Variants in AMDHD1 observed in about 807,000 individuals in gnomAD.
AMDHD1 encodes amidohydrolase domain containing 1, also known as probable imidazolonepropionase.
A neutral mutation model predicts 44.1 loss-of-function variants in AMDHD1; 45 were observed. The observed-to-expected ratio is 1.02, with a 90% confidence interval of 0.80 to 1.31. The LOEUF is 1.31. Among genes scored for constraint, AMDHD1 ranks in the 50% most tolerant of loss-of-function variants. The pLI is 0.00. For missense variants in AMDHD1, 586 were observed against 552.1 expected (o/e 1.06, Z -0.61); for synonymous variants, 206 against 205.0 (o/e 1.00, Z -0.04).
At chr12:95,965,391 G>A (rs1295769084) in intron 6 of AMDHD1, among the ~76,000 whole-genome samples, 2 of 150,684 alleles carry the variant, frequency 1.3e-5, no homozygotes, top group African/African-American at 4.9e-5. Flanking sequence ...AAAACCATTT[G>A]TAAGTTATAT....
chr12:95,949,627 GC>G (rs2080517796), intron 1 of AMDHD1, among the ~76,000 whole-genome samples: 1 of 152,176 alleles, frequency 6.6e-6, no homozygotes, highest in South Asian at 2.1e-4. Context: ...AACATTTAGT[GC>G]TTCTGCTTTC....
At chr12:95,945,387 G>A (rs1350884108) in intron 1 of AMDHD1, among the ~76,000 whole-genome samples, 3 of 152,178 alleles carry the variant, frequency 2.0e-5, no homozygotes, top group African/African-American at 7.2e-5. Flanking sequence ...AATATGATTA[G>A]CTCGGTACAG....
At chr12:95,963,829 A>T (rs1156519028) in intron 6 of AMDHD1, among the ~76,000 whole-genome samples, 1 of 152,156 alleles carries the variant, frequency 6.6e-6, no homozygotes, top group Non-Finnish European at 1.5e-5. Flanking sequence ...CCAAGAGTTC[A>T]AGACCAGACT....
intron 2 of AMDHD1, 78 bp from the exon 3 acceptor site, chr12:95,954,833 G>T (rs2080542274): frequency 7.6e-6 from 10 of 1,313,306 alleles, no homozygotes; most frequent in Non-Finnish European, 1.1e-5. Flanking sequence ...GAGCAGCAGG[G>T]TATAGTGCTG....
At chr12:95,957,815 GGCC>G (rs1471837722) in intron 4 of AMDHD1, among the ~76,000 whole-genome samples, 1 of 152,198 alleles carries the variant, frequency 6.6e-6, no homozygotes, top group Non-Finnish European at 1.5e-5. Context: ...CACTTTGGGA[GGCC>G]AAGGCAGGTG....
intron 1 of AMDHD1, among the ~76,000 whole-genome samples, chr12:95,952,172 A>G (rs7969945): frequency 0.64 from 97,435 of 152,042 alleles, 32,128 homozygotes; most frequent in East Asian, 0.95. Context: ...CCAATGTCCT[A>G]GAGAGTTTTC....
chr12:95,959,790 C>CTT (rs63130861), intron 4 of AMDHD1, among the ~76,000 whole-genome samples: 10,495 of 67,366 alleles, frequency 0.16, 1,675 homozygotes, highest in Non-Finnish European at 0.22. Flanking sequence ...GAAGATTATG[C>CTT]TTTTTTTTTT....
intron 4 of AMDHD1, among the ~76,000 whole-genome samples, chr12:95,960,079 G>T (rs1029158857): frequency 1.3e-5 from 2 of 152,138 alleles, no homozygotes; most frequent in African/African-American, 4.8e-5. Context: ...GAGTCACTGT[G>T]CCTGGCCAAA....
intron 8 of AMDHD1, among the ~76,000 whole-genome samples, chr12:95,967,032 G>A (rs567666019): frequency 3.9e-5 from 6 of 152,324 alleles, no homozygotes; most frequent in Non-Finnish European, 8.8e-5. Context: ...ACCGAGACTG[G>A]GTAATTTATA....
In AMDHD1 at chr12:95,956,851, A is replaced by G. The variant is rs748266716; in HGVS notation, c.476A>G (p.Tyr159Cys). ...GTTLVECKSG[Y>C]GLDLETELKM... ...ACGCTGGTGGAGTGCAAGAGTGGAT[A>G]TGGCCTCGACCTGGAGACCGAGCTC... The change falls in exon 4 of 9, where the codon TAT becomes TGT. Residue 159 changes from tyrosine (Y) to cysteine (C), a missense_variant. Coordinates refer to ENST00000266736, the MANE Select transcript of AMDHD1 (RefSeq NM_152435.3). The G allele has an allele frequency of 1.9e-6, 3 of 1,614,202 alleles. No homozygotes were observed. Among genetic ancestry groups the G allele is most frequent in the Admixed American group, 1.7e-5 (1 of 60,032 alleles).
chr12:95,952,681 C>T, intron 1 of AMDHD1, 36 bp from the exon 2 acceptor site: 2 of 1,377,504 alleles, frequency 1.5e-6, no homozygotes, highest in Non-Finnish European at 2.1e-6. Flanking sequence ...ACAAGATTTC[C>T]CCAAATTTAA....
chr12:95,956,870 C>T lies in AMDHD1; in HGVS notation c.495C>T (p.Thr165=), dbSNP rs567215522. ...CKSGYGLDLE[T]ELKMLRVIER... ...GTGGATATGGCCTCGACCTGGAGACCGAGCTCAAGATGCTGCGCGTGATTG... is the reference window on the plus strand; with the variant it reads ...GTGGATATGGCCTCGACCTGGAGACTGAGCTCAAGATGCTGCGCGTGATTG... Residue 165 remains threonine (T), a synonymous_variant, in exon 4 of 9, where the codon ACC becomes ACT. Coordinates refer to ENST00000266736, the MANE Select transcript of AMDHD1 (RefSeq NM_152435.3). 1.1e-5 allele frequency: 17 copies of T among 1,614,010 alleles called. No individual in the cohort carries two copies. Among genetic ancestry groups the T allele is most frequent in the African/African-American group, 1.3e-5 (1 of 74,940 alleles).
intron 7 of AMDHD1, 105 bp from the exon 8 acceptor site, chr12:95,966,243 C>G: frequency 1.5e-6 from 2 of 1,328,922 alleles, no homozygotes; most frequent in Non-Finnish European, 2.1e-6. Context: ...GCCAATTCCT[C>G]CTATACCTTT....
intron 2 of AMDHD1, among the ~76,000 whole-genome samples, chr12:95,954,155 T>C (rs1467784128): frequency 6.6e-6 from 1 of 152,208 alleles, no homozygotes; most frequent in South Asian, 2.1e-4. Context: ...CTTTCTGATT[T>C]CACATTTTCC....
At chr12:95,946,284 T>C (rs903689955) in intron 1 of AMDHD1, among the ~76,000 whole-genome samples, 2 of 152,032 alleles carry the variant, frequency 1.3e-5, no homozygotes, top group East Asian at 3.8e-4. Context: ...GGGGCAAAAA[T>C]GGAAAATGTT....
rs1383691608 is a variant in AMDHD1 at position 95,943,361 on chromosome 12, G to A, written c.-38G>A. The A allele has an allele frequency of 8.1e-7, 1 of 1,241,470 alleles. No individual in the cohort carries two copies. Among genetic ancestry groups the A allele is most frequent in the Non-Finnish European group, 1.0e-6 (1 of 974,232 alleles). 76.9% of individuals were successfully genotyped at this position (1,241,470 alleles called of 1,614,324 possible). On this transcript the variant is annotated 5_prime_UTR_variant, in exon 1 of 9. Coordinates refer to ENST00000266736, the MANE Select transcript of AMDHD1 (RefSeq NM_152435.3). ...CCACTGAGTCCTGCCGGTGGCCCGA[G>A]CCCGGTGGCCTCCCGGCGACCCTCG...
chr12:95,947,714 G>T (rs2080503597), intron 1 of AMDHD1, among the ~76,000 whole-genome samples: 1 of 66,040 alleles, frequency 1.5e-5, no homozygotes, highest in African/African-American at 7.8e-5. Flanking sequence ...GAGGGAGATG[G>T]GGGGGTCAGC....
chr12:95,962,024 T>C (rs2080584474), intron 5 of AMDHD1, among the ~76,000 whole-genome samples: 1 of 152,140 alleles, frequency 6.6e-6, no homozygotes, highest in African/African-American at 2.4e-5. Context: ...TCCTAGCACT[T>C]TTGGAGTCCG....
intron 1 of AMDHD1, among the ~76,000 whole-genome samples, chr12:95,943,820 A>AG (rs1354892940): frequency 1.3e-5 from 2 of 152,154 alleles, no homozygotes; most frequent in Non-Finnish European, 2.9e-5. Flanking sequence ...GGTCCTCCCC[A>AG]GTGCTTCTTA....
Sources: gnomAD v4.1 joint callset for allele counts (sites outside exome capture counted in the v4.1 genomes callset) on GRCh38, gnomAD v4.1.1 for gene constraint, MANE v1.5 for transcripts, NCBI Gene and HGNC (gene_info 2026-07-23, HGNC 2026-07-21) for gene names.